Variants in CACNA1A observed in about 807,000 individuals in gnomAD.
CACNA1A encodes the protein calcium voltage-gated channel subunit alpha1 A.
In CACNA1A, 57 loss-of-function variants were observed where a neutral mutation model predicts 262.4. The ratio of observed to expected loss-of-function variants is 0.22; its 90% confidence interval spans 0.18 to 0.27. CACNA1A has a LOEUF of 0.27. CACNA1A is among the 10% of genes least tolerant of loss of function. The pLI, the probability that CACNA1A is intolerant of heterozygous loss-of-function variation, is 1.00. For synonymous variants in CACNA1A, 1,431 were observed against 1,419.3 expected (o/e 1.01, Z -0.18); for missense variants, 2,526 against 3,562.8 (o/e 0.71, Z 7.41).
chr19:13,306,093 C>T (rs989303812), intron 15 of CACNA1A, among the ~76,000 whole-genome samples: 6 of 151,266 alleles, frequency 4.0e-5, no homozygotes, highest in Non-Finnish European at 8.8e-5. Context: ...TGTGGGGGCT[C>T]AGAACTTCCC....
chr19:13,381,767 T>G (rs1403778156), intron 3 of CACNA1A, among the ~76,000 whole-genome samples: 1 of 152,174 alleles, frequency 6.6e-6, no homozygotes, highest in African/African-American at 2.4e-5. Flanking sequence ...AGGCCATGCC[T>G]GGTGTATTTG....
At chr19:13,471,104 C>T (rs1189828619) in intron 1 of CACNA1A, among the ~76,000 whole-genome samples, 1 of 152,142 alleles carries the variant, frequency 6.6e-6, no homozygotes, top group East Asian at 1.9e-4. Context: ...GCTTCTATTG[C>T]CACATGACTT....
At chr19:13,487,046 T>C (rs780441521) in intron 1 of CACNA1A, among the ~76,000 whole-genome samples, 50 of 152,144 alleles carry the variant, frequency 3.3e-4, no homozygotes, top group Non-Finnish European at 7.1e-4. Flanking sequence ...CAAGCATCAG[T>C]GGCACGGACG....
At chr19:13,347,682 A>G (rs2058818109) in intron 6 of CACNA1A, among the ~76,000 whole-genome samples, 1 of 152,026 alleles carries the variant, frequency 6.6e-6, no homozygotes, top group African/African-American at 2.4e-5. Flanking sequence ...TTTTATCCCA[A>G]CTGATCACTG....
chr19:13,403,788 CAAACAAAA>C (rs1160186899), intron 3 of CACNA1A, among the ~76,000 whole-genome samples: 1 of 151,348 alleles, frequency 6.6e-6, no homozygotes, highest in Non-Finnish European at 1.5e-5. Context: ...AACAAACAAA[CAAACAAAA>C]AAAAACTTTA....
chr19:13,208,018 T>C lies in CACNA1A; in HGVS notation c.6816A>G (p.Ser2272=). The C allele has an allele frequency of 7.6e-7, 1 of 1,310,022 alleles. No individual in the cohort carries two copies. Among genetic ancestry groups the C allele is most frequent in the South Asian group, 2.3e-5 (1 of 43,696 alleles). 81.1% of individuals were successfully genotyped at this position (1,310,022 alleles called of 1,614,324 possible). ...GCCGCGGAGTGCTGGTACCAGATGT[T>C]GAGGGGGCTGGGCTTCCACTTACGG... The part of the protein sequence containing the change: ...SSSVSGSPAP[S]TSGTSTPRRG... The change falls in exon 47 of 47, where the codon TCA becomes TCG. Residue 2272 remains serine, a synonymous_variant. Coordinates refer to ENST00000360228, the MANE Select transcript of CACNA1A (RefSeq NM_001127222.2).
At chr19:13,368,790 G>A (rs1316768026) in intron 4 of CACNA1A, among the ~76,000 whole-genome samples, 5 of 129,332 alleles carry the variant, frequency 3.9e-5, no homozygotes, top group Non-Finnish European at 7.4e-5. Flanking sequence ...TGTAATCCCA[G>A]CACTTTGGGA....
intron 3 of CACNA1A, among the ~76,000 whole-genome samples, chr19:13,387,513 T>C (rs991192570): frequency 2.6e-5 from 4 of 152,160 alleles, no homozygotes; most frequent in Non-Finnish European, 5.9e-5. Flanking sequence ...CATTCTACCA[T>C]GCTGCTCCTG....
Position 13,443,228 on chromosome 19 carries a change from G to C in CACNA1A, c.539+9648C>G, listed in dbSNP as rs554334477. 3.8e-4 allele frequency among the ~76,000 whole-genome samples: 58 copies of C among 152,242 alleles called. 1 individual carries two copies. Among genetic ancestry groups the C allele is most frequent in the African/African-American group, 1.3e-3 (54 of 41,536 alleles). On this transcript the variant is annotated intron_variant, in intron 3 of 46. Transcript: ENST00000360228. ...CTCAGTTTCAGGTGTTCTGCTATAA[G>C]CAACAGAAAACAGACTAAGACAGTA...
Position 13,308,292 on chromosome 19 carries a change from G to T in CACNA1A, c.1782-41C>A, listed in dbSNP as rs763590436. 6.3e-7 allele frequency: 1 copy of T among 1,594,616 alleles called. No individual in the cohort carries two copies. The highest frequency in any genetic ancestry group is 8.6e-7 in the Non-Finnish European group (1 of 1,168,410). ...AGGCGAGGACTCAGGCCAGGCGGGG[G>T]AGGCAGGGCCCCGGAGTCAGCCCTC... On this transcript the variant is annotated intron_variant, in intron 13 of 46. Transcript: ENST00000360228. The surrounding 1 kb of genome is among the most constrained non-coding windows in gnomAD (Gnocchi z 4.2).
At chr19:13,406,036 A>T (rs566705314) in intron 3 of CACNA1A, among the ~76,000 whole-genome samples, 1 of 152,152 alleles carries the variant, frequency 6.6e-6, no homozygotes, top group African/African-American at 2.4e-5. Flanking sequence ...CAGAGTCTGG[A>T]CAGATGCAGT....
intron 4 of CACNA1A, chr19:13,371,202 C>T (rs1438336677): frequency 6.5e-6 from 1 of 153,082 alleles, no homozygotes; most frequent in African/African-American, 2.4e-5. Flanking sequence ...ATGTAAAGTC[C>T]TTCTGTAGTG....
intron 3 of CACNA1A, among the ~76,000 whole-genome samples, chr19:13,410,059 G>A (rs984934915): frequency 4.6e-5 from 7 of 151,938 alleles, no homozygotes; most frequent in African/African-American, 1.5e-4. Flanking sequence ...TGTTTCTATA[G>A]ATAACTGTGT....
intron 3 of CACNA1A, among the ~76,000 whole-genome samples, chr19:13,431,516 C>T (rs1237175415): frequency 6.6e-6 from 1 of 151,956 alleles, no homozygotes; most frequent in Non-Finnish European, 1.5e-5. Context: ...GTTTGGGTGA[C>T]GGTGGTCTTT....
intron 38 of CACNA1A, among the ~76,000 whole-genome samples, chr19:13,220,148 C>T (rs1184134103): frequency 6.6e-6 from 1 of 151,990 alleles, no homozygotes; most frequent in Non-Finnish European, 1.5e-5. Flanking sequence ...GTAATCTCAG[C>T]TACTCAGGAG....
chr19:13,406,512 T>TATGA (rs56034344), intron 3 of CACNA1A, among the ~76,000 whole-genome samples: 2 of 100,192 alleles, frequency 2.0e-5, no homozygotes, highest in Non-Finnish European at 4.1e-5. Context: ...TATATATATA[T>TATGA]GAAGGGAATC....
At chr19:13,256,457 T>C (rs1333821240) in intron 28 of CACNA1A, 1 of 152,332 alleles carries the variant, frequency 6.6e-6, no homozygotes, top group Non-Finnish European at 1.5e-5. Flanking sequence ...AAGAGTCATG[T>C]CTATACTCTC....
intron 35 of CACNA1A, 51 bp from the exon 36 acceptor site, chr19:13,230,260 T>C (rs1278764710): frequency 6.2e-7 from 1 of 1,600,702 alleles, no homozygotes; most frequent in African/African-American, 1.3e-5. Context: ...ACCGAGGGAA[T>C]GAATGAGTGA....
At chr19:13,466,676 G>A (rs61002216) in intron 1 of CACNA1A, among the ~76,000 whole-genome samples, 55 of 151,198 alleles carry the variant, frequency 3.6e-4, no homozygotes, top group South Asian at 6.3e-4. Context: ...TGCTGCTGCT[G>A]CTACTTTCTT....
Sources: allele counts gnomAD v4.1 joint callset (sites outside exome capture counted in the v4.1 genomes callset), GRCh38; gene constraint gnomAD v4.1.1; non-coding constraint Gnocchi (gnomAD v3.1); transcripts MANE v1.5; gene names NCBI Gene and HGNC (gene_info 2026-07-23, HGNC 2026-07-21).